Variants in CACNA1B observed in about 807,000 individuals in gnomAD.
CACNA1B encodes voltage-dependent N-type calcium channel subunit alpha-1B.
Under a neutral mutation model 247.2 loss-of-function variants are expected in CACNA1B, and 70 were observed. That is an observed-to-expected ratio of 0.28 (90% CI 0.23 to 0.35). The LOEUF (loss-of-function observed/expected upper bound fraction) is 0.35. Ranked by LOEUF, CACNA1B falls within the 10% of genes least tolerant of loss-of-function variation. The probability of loss-of-function intolerance (pLI) is 1.00; values close to 1 mark genes in which losing one functional copy is unlikely to be tolerated. For missense variants in CACNA1B, 2,367 were observed against 3,197.4 expected, an observed-to-expected ratio of 0.74 and a Z score of 6.26; for synonymous variants, 1,231 against 1,294.4, an observed-to-expected ratio of 0.95 and a Z score of 1.05.
At chr9:137,915,108 G>A (rs1468167102) in intron 5 of CACNA1B, among the ~76,000 whole-genome samples, 1 of 152,262 alleles carries the variant, frequency 6.6e-6, no homozygotes, top group South Asian at 2.1e-4. Context: ...TGACCGTCGA[G>A]CAGCATCTGA....
At position 138,010,624 on chromosome 9, in the gene CACNA1B, T is replaced by C. The variant is rs1317508464; in HGVS notation, c.2160+547T>C. ...CTTGTGTGTTGACTCAAGCCCTAGC[T>C]CCTAGTAGAGGTGGTGCTGCCTTCT... On this transcript the variant is annotated intron_variant, in intron 17 of 46. Coordinates refer to ENST00000371372, the MANE Select transcript of CACNA1B (RefSeq NM_000718.4). The surrounding 1 kb of genome is among the most constrained non-coding windows in gnomAD (Gnocchi z 5.3). 6.6e-6 allele frequency among the ~76,000 whole-genome samples: 1 copy of C among 152,080 alleles called. No homozygotes were observed. The highest frequency in any genetic ancestry group is 2.4e-5 in the African/African-American group (1 of 41,402).
intron 3 of CACNA1B, among the ~76,000 whole-genome samples, chr9:137,912,116 C>T (rs773473101): frequency 2.0e-5 from 3 of 152,162 alleles, no homozygotes; most frequent in Non-Finnish European, 2.9e-5. Flanking sequence ...TTTTAAAATA[C>T]CCATATGGAA....
intron 13 of CACNA1B, 62 bp downstream of exon 13, chr9:137,984,312 ACACAGGGTGCTTGTC>A (rs1204470855): frequency 9.3e-6 from 11 of 1,184,564 alleles, no homozygotes; most frequent in Non-Finnish European, 1.3e-5. Context: ...GGGATCAGCC[ACACAGGGTGCTTGTC>A]CCCAGGAGTT....
chr9:138,045,954 G>A (rs1172344956), intron 21 of CACNA1B, among the ~76,000 whole-genome samples: 5 of 152,138 alleles, frequency 3.3e-5, no homozygotes, highest in Admixed American at 6.5e-5. Context: ...ACACGCCTGC[G>A]AGGCAGGGGA....
intron 15 of CACNA1B, among the ~76,000 whole-genome samples, chr9:138,002,617 G>T (rs1005905393): frequency 2.0e-5 from 3 of 151,570 alleles, no homozygotes; most frequent in African/African-American, 7.3e-5. Context: ...TGAGACAGGA[G>T]AATTACTTGA....
chr9:138,037,671 C>CAA (rs371923498), intron 20 of CACNA1B, among the ~76,000 whole-genome samples: 23 of 142,030 alleles, frequency 1.6e-4, no homozygotes, highest in African/African-American at 5.7e-4. Context: ...AAAAAACAAA[C>CAA]AAAAAAAAAA....
chr9:137,983,199 A>C (rs1349832575), intron 12 of CACNA1B, among the ~76,000 whole-genome samples: 1 of 152,260 alleles, frequency 6.6e-6, no homozygotes, highest in Admixed American at 6.5e-5. Context: ...TGAGAGGCTC[A>C]ACATTTGAAT....
intron 10 of CACNA1B, among the ~76,000 whole-genome samples, chr9:137,965,818 C>T (rs1484656458): frequency 3.9e-5 from 6 of 152,180 alleles, no homozygotes; most frequent in Non-Finnish European, 8.8e-5. Context: ...ACTCTGACCT[C>T]ATGATCCGCC....
intron 37 of CACNA1B, among the ~76,000 whole-genome samples, chr9:138,097,363 G>A (rs965416586): frequency 2.6e-5 from 4 of 152,168 alleles, no homozygotes; most frequent in African/African-American, 4.8e-5. Context: ...TGGGGGTCCC[G>A]TACAGCATGG....
At chr9:137,883,414 A>G (rs2133223220) in intron 3 of CACNA1B, among the ~76,000 whole-genome samples, 1 of 152,340 alleles carries the variant, frequency 6.6e-6, no homozygotes, top group South Asian at 2.1e-4. Context: ...TCCTAGTGCC[A>G]GGAAGGTGCT....
intron 3 of CACNA1B, among the ~76,000 whole-genome samples, chr9:137,897,337 T>C (rs1957184088): frequency 6.6e-6 from 1 of 152,200 alleles, no homozygotes; most frequent in African/African-American, 2.4e-5. Context: ...CCCAGCACTT[T>C]GGGAGGCCAA....
chr9:137,878,755 G>A (rs899775596), intron 1 of CACNA1B, among the ~76,000 whole-genome samples: 1 of 152,130 alleles, frequency 6.6e-6, no homozygotes, highest in African/African-American at 2.4e-5. Flanking sequence ...CCCTCCCCTC[G>A]GGGCCCTGGA....
intron 3 of CACNA1B, among the ~76,000 whole-genome samples, chr9:137,904,275 GTTCTTTCTGGGAAAGAATTAGCAT>G (rs1281503825): frequency 6.7e-6 from 1 of 150,062 alleles, no homozygotes; most frequent in Non-Finnish European, 1.5e-5. Context: ...TGATTTCTGA[GTTCTTTCTGGGAAAGAATTAGCAT>G]TTCTTTCTTT....
intron 39 of CACNA1B, 25 bp downstream of exon 39, chr9:138,105,832 G>A: frequency 7.5e-7 from 1 of 1,326,804 alleles, no homozygotes; most frequent in Admixed American, 2.0e-5. Flanking sequence ...CTCGGAAGGA[G>A]GGCCCTGGAC....
At chr9:138,114,890 TTGTC>T (rs1961800258) in intron 41 of CACNA1B, among the ~76,000 whole-genome samples, 2 of 152,308 alleles carry the variant, frequency 1.3e-5, no homozygotes, top group Admixed American at 6.5e-5. Flanking sequence ...TACAGGATCA[TTGTC>T]TGTTCTGCTC....
At chr9:138,031,752 C>T (rs1355163826) in intron 20 of CACNA1B, among the ~76,000 whole-genome samples, 1 of 152,112 alleles carries the variant, frequency 6.6e-6, no homozygotes, top group Non-Finnish European at 1.5e-5. Flanking sequence ...TGTTGTGTAA[C>T]GTCCTTCTCT....
At chr9:138,093,955 A>G (rs1416867073) in intron 36 of CACNA1B, among the ~76,000 whole-genome samples, 2 of 152,336 alleles carry the variant, frequency 1.3e-5, no homozygotes, top group East Asian at 3.9e-4. Flanking sequence ...AGGGACTTCA[A>G]CAGATATATG....
chr9:137,959,670 G>C (rs1957988175), intron 10 of CACNA1B, among the ~76,000 whole-genome samples: 1 of 152,014 alleles, frequency 6.6e-6, no homozygotes, highest in Non-Finnish European at 1.5e-5. Context: ...ATCCCTTTCT[G>C]TGGCGCTGTG....
intron 3 of CACNA1B, among the ~76,000 whole-genome samples, chr9:137,910,097 A>G (rs1213519282): frequency 1.3e-5 from 2 of 152,084 alleles, no homozygotes; most frequent in Non-Finnish European, 2.9e-5. Flanking sequence ...GTGAGTATGA[A>G]GTGGTATTTC....
Sources: allele counts gnomAD v4.1 joint callset (sites outside exome capture counted in the v4.1 genomes callset), GRCh38; gene constraint gnomAD v4.1.1; non-coding constraint Gnocchi (gnomAD v3.1); transcripts MANE v1.5; gene names NCBI Gene and HGNC (gene_info 2026-07-23, HGNC 2026-07-21).